The following CSGALNACT1 variants were observed in gnomAD, a reference collection of about 807,000 sequenced individuals.
The protein encoded by CSGALNACT1 is chondroitin sulfate N-acetylgalactosaminyltransferase 1.
Under a neutral mutation model 51.0 loss-of-function variants are expected in CSGALNACT1, and 52 were observed. That is an observed-to-expected ratio of 1.02 (90% CI 0.82 to 1.29). The LOEUF is 1.29. Ranked by LOEUF, CSGALNACT1 falls within the 50% of genes most tolerant of loss-of-function variation. CSGALNACT1 has a pLI of 0.00. For missense variants in CSGALNACT1, 935 were observed against 679.2 expected (o/e 1.38, Z -4.19); for synonymous variants, 341 against 254.4 (o/e 1.34, Z -3.24).
At chr8:19,647,072 G>A (rs982510423) in intron 1 of CSGALNACT1, among the ~76,000 whole-genome samples, 6 of 151,868 alleles carry the variant, frequency 4.0e-5, no homozygotes, top group African/African-American at 1.2e-4. Context: ...TAAGAAGCCC[G>A]CTTAAGTGCA....
chr8:19,538,565 T>C (rs1026575642), intron 3 of CSGALNACT1, among the ~76,000 whole-genome samples: 9 of 152,046 alleles, frequency 5.9e-5, no homozygotes, highest in Non-Finnish European at 1.5e-5. Flanking sequence ...GTAATTTGCA[T>C]GGGGAAGTGA....
At chr8:19,754,375 A>C (rs1008940859) in intron 1 of CSGALNACT1, among the ~76,000 whole-genome samples, 1 of 152,176 alleles carries the variant, frequency 6.6e-6, no homozygotes, top group African/African-American at 2.4e-5. Flanking sequence ...TCCTTGAAAA[A>C]CAACTTTTTT....
chr8:19,550,319 C>T (rs1180595929), intron 3 of CSGALNACT1, among the ~76,000 whole-genome samples: 1 of 152,118 alleles, frequency 6.6e-6, no homozygotes, highest in African/African-American at 2.4e-5. Context: ...TTTTGGACTT[C>T]TTAAAGTGAG....
At chr8:19,738,544 A>T (rs1156575318) in intron 1 of CSGALNACT1, among the ~76,000 whole-genome samples, 1 of 152,192 alleles carries the variant, frequency 6.6e-6, no homozygotes, top group East Asian at 1.9e-4. Flanking sequence ...AAAGTTCAGG[A>T]GATGAACATT....
intron 3 of CSGALNACT1, among the ~76,000 whole-genome samples, chr8:19,539,139 C>T (rs964634407): frequency 2.6e-5 from 4 of 152,134 alleles, no homozygotes; most frequent in Admixed American, 1.3e-4. Flanking sequence ...GAAATGATTA[C>T]TATAGTCAAG....
At chr8:19,404,909 T>C (rs2053856616) in exon 10 of CSGALNACT1, 1 of 454,210 alleles carries the variant, frequency 2.2e-6, no homozygotes, top group Non-Finnish European at 4.4e-6. Flanking sequence ...TGTACGTCTG[T>C]ATTAGTACAA....
intron 3 of CSGALNACT1, among the ~76,000 whole-genome samples, chr8:19,513,694 A>G (rs546850883): frequency 6.6e-6 from 1 of 152,104 alleles, no homozygotes; most frequent in East Asian, 1.9e-4. Flanking sequence ...TGGTAGACCT[A>G]CCGCACACCT....
intron 1 of CSGALNACT1, among the ~76,000 whole-genome samples, chr8:19,749,702 T>G (rs886244019): frequency 2.3e-4 from 35 of 152,176 alleles, no homozygotes; most frequent in African/African-American, 8.4e-4. Context: ...CTCTGCATCA[T>G]AGTGAAACAG....
rs376585948 is a variant in CSGALNACT1 at position 19,655,387 on chromosome 8, G to T, written c.-544+27086C>A. On this transcript the variant is annotated intron_variant, in intron 1 of 9. Coordinates refer to the CSGALNACT1 transcript ENST00000332246. ...GGTGTTATTTTTCTTTTGAGGTAGGGTCTCACTCTGTTGTGCAGGCTGGAG... is the reference window on the plus strand; with the variant it reads ...GGTGTTATTTTTCTTTTGAGGTAGGTTCTCACTCTGTTGTGCAGGCTGGAG... 1.2e-4 allele frequency among the ~76,000 whole-genome samples: 18 copies of T among 151,964 alleles called. No individual in the cohort carries two copies. The East Asian group carries it at 1.4e-3, about 11-fold the overall frequency.
intron 4 of CSGALNACT1, among the ~76,000 whole-genome samples, chr8:19,470,326 A>T (rs977878852): frequency 1.3e-5 from 2 of 152,172 alleles, no homozygotes; most frequent in African/African-American, 4.8e-5. Flanking sequence ...TAATGGGTTT[A>T]TGAGGAGTGC....
At chr8:19,527,611 A>G (rs1195337575) in intron 3 of CSGALNACT1, among the ~76,000 whole-genome samples, 1 of 152,240 alleles carries the variant, frequency 6.6e-6, no homozygotes, top group Non-Finnish European at 1.5e-5. Context: ...CTCCATGTCA[A>G]AAAAATAAAG....
intron 1 of CSGALNACT1, among the ~76,000 whole-genome samples, chr8:19,676,680 T>C (rs1222093386): frequency 6.6e-6 from 1 of 151,902 alleles, no homozygotes; most frequent in African/African-American, 2.4e-5. Context: ...TGGAACTTGG[T>C]AAGAACACCT....
intron 1 of CSGALNACT1, among the ~76,000 whole-genome samples, chr8:19,719,097 A>G (rs1346596980): frequency 6.6e-6 from 1 of 152,258 alleles, no homozygotes; most frequent in Non-Finnish European, 1.5e-5. Context: ...TCTACGAAGT[A>G]CACAGGACCT....
intron 2 of CSGALNACT1, among the ~76,000 whole-genome samples, chr8:19,594,131 C>A (rs1406996088): frequency 2.0e-5 from 3 of 152,086 alleles, no homozygotes; most frequent in Admixed American, 6.6e-5. Context: ...CCACTTACAA[C>A]AGAAGCAACT....
chr8:19,452,419 A>G (rs575622656), intron 5 of CSGALNACT1, among the ~76,000 whole-genome samples: 118 of 16,650 alleles, frequency 7.1e-3, no homozygotes, highest in East Asian at 0.037. Flanking sequence ...CCCCTGGGGG[A>G]AAAAAAAAAA....
chr8:19,538,097 G>A (rs1366365657), intron 3 of CSGALNACT1, among the ~76,000 whole-genome samples: 1 of 152,018 alleles, frequency 6.6e-6, no homozygotes, highest in East Asian at 1.9e-4. Context: ...GCAGGAGGAT[G>A]CTTGAGGCCA....
At chr8:19,474,666 C>G (rs536609001) in intron 4 of CSGALNACT1, among the ~76,000 whole-genome samples, 1 of 151,796 alleles carries the variant, frequency 6.6e-6, no homozygotes, top group African/African-American at 2.4e-5. Flanking sequence ...GTCGGGAGTT[C>G]GAGACCAGCC....
At chr8:19,671,771 T>C (rs981626152) in intron 1 of CSGALNACT1, among the ~76,000 whole-genome samples, 1 of 152,170 alleles carries the variant, frequency 6.6e-6, no homozygotes. Flanking sequence ...GGGAGTCAAC[T>C]TGCTCTAAAT....
chr8:19,694,699 T>A (rs1298941596), intron 1 of CSGALNACT1, among the ~76,000 whole-genome samples: 1 of 152,234 alleles, frequency 6.6e-6, no homozygotes, highest in Admixed American at 6.5e-5. Flanking sequence ...ATTGATCAAC[T>A]ACCTTAATAA....
Sources: allele counts gnomAD v4.1 joint callset (sites outside exome capture counted in the v4.1 genomes callset), GRCh38; gene constraint gnomAD v4.1.1; transcripts MANE v1.5; gene names NCBI Gene and HGNC (gene_info 2026-07-23, HGNC 2026-07-21).